LY96: variants seen among roughly 807,000 people sequenced by gnomAD.
The protein encoded by LY96 is lymphocyte antigen 96, also known as myeloid differentiation protein-2.
LY96 carries 18 observed loss-of-function variants against 18.9 expected under a neutral mutation model. The observed-to-expected ratio is 0.95, with a 90% CI of 0.66 to 1.41. The LOEUF is 1.41. LY96 is among the 40% of genes most tolerant of loss of function. The probability of loss-of-function intolerance (pLI) is 0.00; values close to 1 mark genes in which losing one functional copy is unlikely to be tolerated. For missense variants in LY96, 175 were observed against 182.4 expected, an observed-to-expected ratio of 0.96 and a Z score of 0.23; for synonymous variants, 66 against 62.6, an observed-to-expected ratio of 1.06 and a Z score of -0.26.
chr8:74,081,115 T>TTC, the LY96 span, among the ~76,000 whole-genome samples: 1 of 143,116 alleles, frequency 7.0e-6, no homozygotes, highest in Non-Finnish European at 1.5e-5. Context: ...CTTTCTTTCT[T>TTC]TCTTTCTTTC....
the LY96 span, among the ~76,000 whole-genome samples, chr8:74,089,554 C>T: frequency 6.6e-6 from 1 of 152,210 alleles, no homozygotes; most frequent in Non-Finnish European, 1.5e-5. Flanking sequence ...GAGAAAGATA[C>T]ACAGGGAAAG....
At chr8:74,043,636 G>A in the LY96 span, among the ~76,000 whole-genome samples, 2 of 152,030 alleles carry the variant, frequency 1.3e-5, no homozygotes, top group East Asian at 3.8e-4. Context: ...CTTATTGTTG[G>A]ATACGTGGAT....
chr8:74,073,681 T>TTTA, the LY96 span, among the ~76,000 whole-genome samples: 18 of 142,104 alleles, frequency 1.3e-4, no homozygotes, highest in South Asian at 3.5e-3. Flanking sequence ...TTATTTATTT[T>TTTA]GAGACGGAGT....
At chr8:74,017,191 T>C (rs1259578854) in intron 3 of LY96, among the ~76,000 whole-genome samples, 1 of 152,058 alleles carries the variant, frequency 6.6e-6, no homozygotes, top group African/African-American at 2.4e-5. Flanking sequence ...GAATAAACAG[T>C]GTAGAGAAGA....
the LY96 span, among the ~76,000 whole-genome samples, chr8:74,075,112 G>A: frequency 6.6e-6 from 1 of 151,926 alleles, no homozygotes; most frequent in East Asian, 1.9e-4. Flanking sequence ...ATTATATTGG[G>A]GTCTATCTCT....
At chr8:74,094,024 A>G in the LY96 span, among the ~76,000 whole-genome samples, 1 of 152,146 alleles carries the variant, frequency 6.6e-6, no homozygotes, top group Non-Finnish European at 1.5e-5. Context: ...ATACTGCTAA[A>G]ATTATAATTA....
the LY96 span, among the ~76,000 whole-genome samples, chr8:74,081,244 C>A: frequency 2.8e-5 from 4 of 144,862 alleles, no homozygotes; most frequent in Admixed American, 1.4e-4. Flanking sequence ...TTCTTTCCCT[C>A]TCTCCCTTTC....
chr8:74,095,613 G>A, the LY96 span, among the ~76,000 whole-genome samples: 1 of 152,146 alleles, frequency 6.6e-6, no homozygotes, highest in Non-Finnish European at 1.5e-5. Flanking sequence ...CGACACAGTC[G>A]CTCACTCTCT....
intron 3 of LY96, among the ~76,000 whole-genome samples, chr8:74,021,837 T>C (rs1816767813): frequency 6.6e-6 from 1 of 151,660 alleles, no homozygotes; most frequent in African/African-American, 2.4e-5. Context: ...AACCAAACAC[T>C]GCATATTCTC....
intron 3 of LY96, among the ~76,000 whole-genome samples, chr8:74,017,284 A>G (rs1444445142): frequency 1.3e-5 from 2 of 152,238 alleles, no homozygotes; most frequent in African/African-American, 4.8e-5. Context: ...AATTCGATCA[A>G]GTGGAAGAAA....
the LY96 span, among the ~76,000 whole-genome samples, chr8:74,091,613 C>T: frequency 1.2e-3 from 182 of 152,298 alleles, 3 homozygotes; most frequent in African/African-American, 3.9e-3. Flanking sequence ...CTTCTGCTAG[C>T]GGACCTGTAA....
chr8:74,059,870 G>A, the LY96 span, among the ~76,000 whole-genome samples: 9 of 152,384 alleles, frequency 5.9e-5, no homozygotes, highest in African/African-American at 1.9e-4. Flanking sequence ...GGGCGCAGTG[G>A]CTCAGGCCTG....
intron 3 of LY96, among the ~76,000 whole-genome samples, chr8:74,012,019 A>G (rs1816543577): frequency 6.6e-6 from 1 of 152,364 alleles, no homozygotes; most frequent in African/African-American, 2.4e-5. Context: ...CAGAATGGCT[A>G]TTCTTAAAAA....
the LY96 span, among the ~76,000 whole-genome samples, chr8:74,046,396 A>G: frequency 6.6e-6 from 1 of 152,210 alleles, no homozygotes; most frequent in African/African-American, 2.4e-5. Flanking sequence ...CTGGTAATTT[A>G]ATGGTTACTG....
the LY96 span, among the ~76,000 whole-genome samples, chr8:74,066,863 G>A: frequency 6.6e-6 from 1 of 152,170 alleles, no homozygotes; most frequent in Admixed American, 6.5e-5. Context: ...GAGTGCGCAG[G>A]GGATTTGCAA....
At chr8:74,082,615 A>G in the LY96 span, among the ~76,000 whole-genome samples, 2 of 152,222 alleles carry the variant, frequency 1.3e-5, no homozygotes, top group African/African-American at 2.4e-5. Flanking sequence ...TGAGGCTCCT[A>G]TAACAAAATA....
chr8:74,015,419 C>A (rs1369054085), intron 3 of LY96, among the ~76,000 whole-genome samples: 1 of 152,184 alleles, frequency 6.6e-6, no homozygotes, highest in East Asian at 1.9e-4. Context: ...CTTCTGGTGG[C>A]CTAAGGCATG....
At chr8:73,991,804 A>G (rs956329122) in intron 1 of LY96, among the ~76,000 whole-genome samples, 5 of 152,106 alleles carry the variant, frequency 3.3e-5, no homozygotes, top group Non-Finnish European at 7.4e-5. Context: ...TCCCTGCGTC[A>G]TCTTTCTCTA....
chr8:74,054,555 C>CCTTCCTT, the LY96 span, among the ~76,000 whole-genome samples: 2 of 118,558 alleles, frequency 1.7e-5, no homozygotes, highest in Non-Finnish European at 3.4e-5. Flanking sequence ...TTCCTTCCTT[C>CCTTCCTT]CTTCCTTTCT....
Sources: gnomAD v4.1 joint callset for allele counts (sites outside exome capture counted in the v4.1 genomes callset) on GRCh38, gnomAD v4.1.1 for gene constraint, MANE v1.5 for transcripts, NCBI Gene and HGNC (gene_info 2026-07-23, HGNC 2026-07-21) for gene names.